The following TMCO4 variants were observed in gnomAD, a reference collection of about 807,000 sequenced individuals.
TMCO4 encodes transmembrane and coiled-coil domains 4.
In TMCO4, 58 loss-of-function variants were observed where a neutral mutation model predicts 64.7. The ratio of observed to expected loss-of-function variants is 0.90; its 90% CI spans 0.73 to 1.12. TMCO4 has a LOEUF of 1.12. Among genes scored for constraint, TMCO4 ranks in the 50% most tolerant of loss-of-function variants. The pLI is 0.00. For missense variants in TMCO4, 780 were observed against 825.9 expected, an observed-to-expected ratio of 0.94 and a Z score of 0.68; for synonymous variants, 325 against 346.1, an observed-to-expected ratio of 0.94 and a Z score of 0.68.
intron 7 of TMCO4, among the ~76,000 whole-genome samples, chr1:19,749,151 C>T (rs1349988806): frequency 6.6e-6 from 1 of 152,190 alleles, no homozygotes; most frequent in Non-Finnish European, 1.5e-5. Flanking sequence ...CCATCAAGAT[C>T]GAGGGTTCTA....
Position 19,682,880 on chromosome 1 carries a change from C to T in TMCO4, c.*160G>A, listed in dbSNP as rs929675046. The T allele has an allele frequency of 8.2e-6, 9 of 1,095,592 alleles. No homozygotes were observed. The highest frequency in any genetic ancestry group is 1.2e-5 in the Non-Finnish European group (9 of 753,422). The allele number at this position is 1,095,592 out of a possible 1,614,324, so 67.9% of individuals were successfully genotyped here. Reference sequence around the variant, plus strand: ...GGGCGTGTTCTCTCCTCCAAATTCCCCTTCCTTCCATTTCCTTTCCCTTTC... The same window carrying T: ...GGGCGTGTTCTCTCCTCCAAATTCCTCTTCCTTCCATTTCCTTTCCCTTTC... On this transcript the variant is annotated 3_prime_UTR_variant, in exon 16 of 16. Transcript: ENST00000294543.
chr1:19,722,646 T>C (rs1272156806), intron 13 of TMCO4, among the ~76,000 whole-genome samples: 3 of 152,132 alleles, frequency 2.0e-5, no homozygotes, highest in Admixed American at 6.5e-5. Context: ...GAGTAGAAAG[T>C]GTGTCTGCAA....
At chr1:19,695,840 C>T (rs760883764) in intron 14 of TMCO4, among the ~76,000 whole-genome samples, 3 of 152,142 alleles carry the variant, frequency 2.0e-5, no homozygotes, top group Non-Finnish European at 4.4e-5. Context: ...TGAGATCATC[C>T]GTCCCTAACT....
intron 15 of TMCO4, among the ~76,000 whole-genome samples, chr1:19,690,866 CTTTTTTT>C (rs34764589): frequency 1.2e-4 from 13 of 111,286 alleles, no homozygotes; most frequent in Non-Finnish European, 1.6e-4. Context: ...TGTGAAGACT[CTTTTTTT>C]TTTTTTTTTT....
chr1:19,691,594 G>GAA (rs2095195357), intron 15 of TMCO4, among the ~76,000 whole-genome samples: 1 of 152,208 alleles, frequency 6.6e-6, no homozygotes, highest in Admixed American at 6.5e-5. Context: ...TGGCCATTGA[G>GAA]ATGCAGTGGT....
chr1:19,795,986 A>G (rs1571081987), intron 2 of TMCO4, among the ~76,000 whole-genome samples: 2 of 152,100 alleles, frequency 1.3e-5, no homozygotes, highest in Admixed American at 6.6e-5. Context: ...CTTCCAGCCC[A>G]CGCTGGGATA....
At chr1:19,690,211 T>C (rs1355180256) in intron 15 of TMCO4, among the ~76,000 whole-genome samples, 1 of 152,232 alleles carries the variant, frequency 6.6e-6, no homozygotes, top group African/African-American at 2.4e-5. Context: ...TCTTGGATGC[T>C]GGACAAGAGC....
At chr1:19,703,075 G>A (rs2095282917) in intron 13 of TMCO4, among the ~76,000 whole-genome samples, 2 of 152,230 alleles carry the variant, frequency 1.3e-5, no homozygotes, top group South Asian at 4.1e-4. Context: ...TCACAGCAGT[G>A]TGGCAGGGCC....
At chr1:19,717,036 A>G (rs912035819) in intron 13 of TMCO4, among the ~76,000 whole-genome samples, 1 of 152,004 alleles carries the variant, frequency 6.6e-6, no homozygotes, top group African/African-American at 2.4e-5. Flanking sequence ...AAAATACAAA[A>G]ATCAGCTGGG....
chr1:19,794,715 T>C (rs2044217557), intron 2 of TMCO4, among the ~76,000 whole-genome samples: 1 of 152,210 alleles, frequency 6.6e-6, no homozygotes, highest in Non-Finnish European at 1.5e-5. Flanking sequence ...TACAGAATTA[T>C]TCACCATAGC....
chr1:19,758,940 C>A (rs1184411177), intron 6 of TMCO4, among the ~76,000 whole-genome samples: 1 of 151,626 alleles, frequency 6.6e-6, no homozygotes, highest in East Asian at 1.9e-4. Flanking sequence ...TTCTCTACTA[C>A]AAAATACAAA....
At chr1:19,770,339 T>C (rs962709276) in intron 6 of TMCO4, among the ~76,000 whole-genome samples, 2 of 152,118 alleles carry the variant, frequency 1.3e-5, no homozygotes, top group Non-Finnish European at 1.5e-5. Context: ...GAGGAATAAG[T>C]GAAATAAACT....
At chr1:19,699,817 C>G (rs2095259922) in intron 14 of TMCO4, among the ~76,000 whole-genome samples, 1 of 152,334 alleles carries the variant, frequency 6.6e-6, no homozygotes, top group South Asian at 2.1e-4. Flanking sequence ...CACACATACA[C>G]ACATGTACAC....
intron 6 of TMCO4, among the ~76,000 whole-genome samples, chr1:19,756,136 A>G (rs1304551368): frequency 6.6e-6 from 1 of 152,074 alleles, no homozygotes; most frequent in Non-Finnish European, 1.5e-5. Flanking sequence ...CTGTGGTCCT[A>G]GCTACTCAGG....
intron 10 of TMCO4, among the ~76,000 whole-genome samples, chr1:19,742,226 T>G (rs935318629): frequency 1.3e-5 from 2 of 152,168 alleles, no homozygotes; most frequent in African/African-American, 4.8e-5. Context: ...CTTTTCCCCA[T>G]AAGTTCTTAT....
At position 19,683,214 on chromosome 1, in the gene TMCO4, T is replaced by G. The variant is rs2095116546; in HGVS notation, c.1731A>C (p.Thr577=). The change falls in exon 16 of 16, where the codon ACA becomes ACC. Residue 577 remains threonine (T), a synonymous_variant. Coordinates refer to ENST00000294543, the MANE Select transcript of TMCO4 (RefSeq NM_181719.7). ...SGDTSKLAMS[T]DPSQAQVPVG... ...CTGGCACCTGGGCTTGGCTGGGGTC[T>G]GTGGACATGGCCAATTTGGAGGTGT... The G allele has an allele frequency of 6.2e-7, 1 of 1,614,044 alleles. No individual in the cohort carries two copies. Among genetic ancestry groups the G allele is most frequent in the African/African-American group, 1.3e-5 (1 of 74,944 alleles).
intron 14 of TMCO4, among the ~76,000 whole-genome samples, chr1:19,698,688 ACT>A (rs2095252204): frequency 6.6e-6 from 1 of 151,376 alleles, no homozygotes; most frequent in Non-Finnish European, 1.5e-5. Flanking sequence ...TTTGATCTAC[ACT>A]CTCTCTCCCC....
At chr1:19,777,603 C>A (rs867387659) in intron 4 of TMCO4, among the ~76,000 whole-genome samples, 3 of 152,208 alleles carry the variant, frequency 2.0e-5, no homozygotes, top group African/African-American at 7.2e-5. Context: ...CATGCCTCGG[C>A]CTCCCAAAGT....
chr1:19,791,138 C>T (rs1276099990), intron 2 of TMCO4, among the ~76,000 whole-genome samples: 1 of 152,032 alleles, frequency 6.6e-6, no homozygotes, highest in African/African-American at 2.4e-5. Flanking sequence ...AAGGAGAACA[C>T]ACACTGGGGC....
Sources: gnomAD v4.1 joint callset for allele counts (sites outside exome capture counted in the v4.1 genomes callset) on GRCh38, gnomAD v4.1.1 for gene constraint, MANE v1.5 for transcripts, NCBI Gene and HGNC (gene_info 2026-07-23, HGNC 2026-07-21) for gene names.